The following TLK1 variants were observed in gnomAD, a reference collection of about 807,000 sequenced individuals.
TLK1 encodes serine/threonine-protein kinase tousled-like 1.
TLK1 carries 24 observed loss-of-function variants against 105.3 expected under a neutral mutation model. That is an observed-to-expected ratio of 0.23 (90% CI 0.17 to 0.32). The LOEUF is 0.32. Ranked by LOEUF, TLK1 falls within the 10% of genes least tolerant of loss-of-function variation. The pLI, the probability that TLK1 is intolerant of heterozygous loss-of-function variation, is 1.00. For missense variants in TLK1, 558 were observed against 910.5 expected (o/e 0.61, Z 4.98); for synonymous variants, 321 against 310.4 (o/e 1.03, Z -0.36).
At chr2:171,093,787 TGTAGGGCTACATAAAG>T (rs776641482) in intron 2 of TLK1, among the ~76,000 whole-genome samples, 1 of 152,210 alleles carries the variant, frequency 6.6e-6, no homozygotes, top group Non-Finnish European at 1.5e-5. Context: ...GAAGAATGTC[TGTAGGGCTACATAAAG>T]GTAGATCTGA....
At chr2:171,216,877 C>T (rs190890643) in intron 1 of TLK1, among the ~76,000 whole-genome samples, 38 of 152,310 alleles carry the variant, frequency 2.5e-4, no homozygotes, top group African/African-American at 9.1e-4. Flanking sequence ...CCATCAGAAG[C>T]TGGAAGAGCC....
chr2:171,112,023 C>T (rs1052443848), intron 2 of TLK1, among the ~76,000 whole-genome samples: 1 of 152,174 alleles, frequency 6.6e-6, no homozygotes, highest in Non-Finnish European at 1.5e-5. Flanking sequence ...ATGACCCTGG[C>T]GCACTGCAAC....
At chr2:171,162,948 A>G (rs77918037), upstream of TLK1, among the ~76,000 whole-genome samples, 6,440 of 152,220 alleles carry the variant, frequency 0.042, 440 homozygotes, top group East Asian at 0.3. Flanking sequence ...ACGTGCCACT[A>G]CATCCAGCTA....
At chr2:171,067,051 T>C in intron 3 of TLK1, 2 of 1,385,298 alleles carry the variant, frequency 1.4e-6, no homozygotes, top group African/African-American at 1.5e-5. Flanking sequence ...TCCTGTATCA[T>C]ACCCCTACAA....
At chr2:171,133,970 T>A (rs1691206533) in intron 1 of TLK1, among the ~76,000 whole-genome samples, 1 of 152,076 alleles carries the variant, frequency 6.6e-6, no homozygotes, top group Non-Finnish European at 1.5e-5. Flanking sequence ...AGCTGAGGAC[T>A]ACAGAGATGT....
intron 2 of TLK1, among the ~76,000 whole-genome samples, chr2:171,098,709 C>A (rs1331730414): frequency 6.6e-6 from 1 of 152,076 alleles, no homozygotes; most frequent in Non-Finnish European, 1.5e-5. Flanking sequence ...AATATGGATG[C>A]AAAAATCCTC....
chr2:171,087,489 A>G (rs1689033714), intron 2 of TLK1, among the ~76,000 whole-genome samples: 1 of 152,190 alleles, frequency 6.6e-6, no homozygotes, highest in Non-Finnish European at 1.5e-5. Flanking sequence ...GACACCATGA[A>G]GCAGTCTAAG....
chr2:171,130,538 AATG>A (rs1691061252), intron 1 of TLK1, among the ~76,000 whole-genome samples: 1 of 152,184 alleles, frequency 6.6e-6, no homozygotes. Context: ...TATTAGCCTA[AATG>A]ATGTTTACTT....
chr2:171,117,924 AAT>A, intron 1 of TLK1, 67 bp from the exon 2 acceptor site: 1 of 1,057,314 alleles, frequency 9.5e-7, no homozygotes, highest in Non-Finnish European at 1.4e-6. Flanking sequence ...TACACACACA[AAT>A]ATATATATGT....
intron 1 of TLK1, among the ~76,000 whole-genome samples, chr2:171,206,674 C>T (rs1693513395): frequency 6.6e-6 from 1 of 152,126 alleles, no homozygotes; most frequent in South Asian, 2.1e-4. Context: ...TTGCTAGAAA[C>T]TAAAATCTAT....
In TLK1 at chr2:171,093,167, A is replaced by C. The variant is rs373769681; in HGVS notation, c.259-10315T>G. 2.9e-4 allele frequency among the ~76,000 whole-genome samples: 44 copies of C among 152,378 alleles called. 1 individual carries two copies. The South Asian group carries it at 8.9e-3, about 31-fold the overall frequency. On this transcript the variant is annotated intron_variant, in intron 2 of 20. Transcript: ENST00000431350. ...ATTTCATTCCCCCAAAATTGAGGAC[A>C]TAACTAAAGAGTAGACACAGAGCTA...
intron 1 of TLK1, among the ~76,000 whole-genome samples, chr2:171,198,072 A>C (rs939237778): frequency 1.3e-5 from 2 of 152,188 alleles, no homozygotes; most frequent in South Asian, 4.1e-4. Context: ...TGTTTACATG[A>C]ACAACTTGCA....
intron 1 of TLK1, among the ~76,000 whole-genome samples, chr2:171,139,486 C>T (rs1030714941): frequency 3.9e-5 from 6 of 152,110 alleles, no homozygotes; most frequent in Admixed American, 3.9e-4. Context: ...CCAGCTAACT[C>T]GGGAGGCTGA....
chr2:171,002,565 C>T (rs992604242), intron 18 of TLK1, among the ~76,000 whole-genome samples: 3 of 152,122 alleles, frequency 2.0e-5, no homozygotes, highest in East Asian at 3.9e-4. Flanking sequence ...TGAGCCACCG[C>T]GCCTGGCCTG....
intron 1 of TLK1, among the ~76,000 whole-genome samples, chr2:171,192,313 G>A (rs73017289): frequency 0.11 from 16,884 of 152,134 alleles, 1,448 homozygotes; most frequent in African/African-American, 0.24. Context: ...ACTGGTGTGA[G>A]CCACCGGGAC....
At chr2:171,175,775 T>G (rs1437863556) in intron 1 of TLK1, among the ~76,000 whole-genome samples, 1 of 152,176 alleles carries the variant, frequency 6.6e-6, no homozygotes, top group Non-Finnish European at 1.5e-5. Context: ...TCCTCCCACC[T>G]TGATGGCCAC....
intron 20 of TLK1, among the ~76,000 whole-genome samples, chr2:170,995,663 C>G (rs924766302): frequency 3.3e-5 from 5 of 152,168 alleles, no homozygotes; most frequent in Non-Finnish European, 7.3e-5. Flanking sequence ...TCATATTTAT[C>G]TTACAAAAAT....
intron 1 of TLK1, among the ~76,000 whole-genome samples, chr2:171,159,249 C>A (rs1692354747): frequency 6.6e-6 from 1 of 152,196 alleles, no homozygotes; most frequent in East Asian, 1.9e-4. Flanking sequence ...GAGTGAACAG[C>A]CCGTCTACCA....
At chr2:171,139,863 T>C (rs939106302) in intron 1 of TLK1, among the ~76,000 whole-genome samples, 9 of 152,120 alleles carry the variant, frequency 5.9e-5, no homozygotes, top group African/African-American at 1.9e-4. Flanking sequence ...GATGAAACTG[T>C]TACACCTCAA....
Sources: allele counts gnomAD v4.1 joint callset (sites outside exome capture counted in the v4.1 genomes callset), GRCh38; gene constraint gnomAD v4.1.1; transcripts MANE v1.5; gene names NCBI Gene and HGNC (gene_info 2026-07-23, HGNC 2026-07-21).